Variants in GRHL2 observed in about 807,000 individuals in gnomAD.
GRHL2 encodes the protein grainyhead-like protein 2 homolog.
GRHL2 carries 21 observed loss-of-function variants against 83.8 expected under a neutral mutation model. The observed-to-expected ratio is 0.25, with a 90% CI of 0.18 to 0.36. GRHL2 has a LOEUF of 0.36. Ranked by LOEUF, GRHL2 falls within the 10% of genes least tolerant of loss-of-function variation. The probability of loss-of-function intolerance (pLI) is 1.00; values close to 1 mark genes in which losing one functional copy is unlikely to be tolerated. For missense variants in GRHL2, 623 were observed against 781.8 expected (o/e 0.80, Z 2.42); for synonymous variants, 280 against 278.9 (o/e 1.00, Z -0.04).
intron 1 of GRHL2, among the ~76,000 whole-genome samples, chr8:101,503,531 T>G (rs1810274874): frequency 6.6e-6 from 1 of 152,358 alleles, no homozygotes; most frequent in South Asian, 2.1e-4. Context: ...ATCATAAACT[T>G]TCTGGAAGGC....
At chr8:101,659,808 C>T (rs1003985510) in intron 14 of GRHL2, among the ~76,000 whole-genome samples, 3 of 152,104 alleles carry the variant, frequency 2.0e-5, no homozygotes, top group African/African-American at 7.2e-5. Flanking sequence ...TATTGAGTGT[C>T]TCGCCAGATT....
chr8:101,524,113 C>T (rs1810752858), intron 1 of GRHL2, among the ~76,000 whole-genome samples: 1 of 152,214 alleles, frequency 6.6e-6, no homozygotes, highest in African/African-American at 2.4e-5. Flanking sequence ...ATAATTGAAT[C>T]ACTTTGGATT....
downstream of GRHL2, among the ~76,000 whole-genome samples, chr8:101,672,868 T>C (rs1297414502): frequency 6.6e-5 from 10 of 151,756 alleles, no homozygotes; most frequent in African/African-American, 2.4e-4. Context: ...GCAGAAACCC[T>C]ACAAGCCAGA....
At chr8:101,495,280 C>G (rs926121518) in intron 1 of GRHL2, among the ~76,000 whole-genome samples, 5 of 152,138 alleles carry the variant, frequency 3.3e-5, no homozygotes, top group African/African-American at 1.2e-4. Context: ...TTTCATAATC[C>G]CATTGAGATT....
At chr8:101,555,706 G>T (rs187607176) in intron 3 of GRHL2, among the ~76,000 whole-genome samples, 47 of 152,278 alleles carry the variant, frequency 3.1e-4, no homozygotes, top group Admixed American at 2.6e-4. Flanking sequence ...AAAGTGTGCA[G>T]ACTTGTGATT....
At chr8:101,502,499 T>C (rs73701910) in intron 1 of GRHL2, among the ~76,000 whole-genome samples, 3,290 of 152,284 alleles carry the variant, frequency 0.022, 109 homozygotes, top group African/African-American at 0.073. Context: ...GTGAAATCAA[T>C]GGTTTAACTA....
At chr8:101,594,095 AAAAGAGAG>A (rs1812344483) in intron 7 of GRHL2, among the ~76,000 whole-genome samples, 1 of 104,878 alleles carries the variant, frequency 9.5e-6, no homozygotes, top group African/African-American at 4.6e-5. Flanking sequence ...AAAAAAAAAA[AAAAGAGAG>A]AGATAGTGAA....
At chr8:101,633,943 T>C (rs2130404348) in intron 11 of GRHL2, among the ~76,000 whole-genome samples, 1 of 152,280 alleles carries the variant, frequency 6.6e-6, no homozygotes, top group East Asian at 1.9e-4. Context: ...TTCTCCAAAA[T>C]ATACAAAGTG....
chr8:101,586,618 C>T (rs1227202791), intron 7 of GRHL2, among the ~76,000 whole-genome samples: 2 of 152,178 alleles, frequency 1.3e-5, no homozygotes, highest in South Asian at 2.1e-4. Context: ...TCCTACTAGA[C>T]GCTGAACTTT....
rs541530642 is a variant in GRHL2, at chr8:101,642,582, G to T, written c.1518-1549G>T. Among the ~76,000 whole-genome samples, 12 of 152,286 alleles carry T rather than the reference G, an allele frequency of 7.9e-5. No individual in the cohort carries two copies. The East Asian group carries it at 2.3e-3, about 29-fold the overall frequency. ...TAACGTGACCTGCTTTTACGACAAG[G>T]TAGTAAGAGGAAGGCAGAGGGAACA... On this transcript the variant is annotated intron_variant, in intron 12 of 15. Transcript: ENST00000646743.
At chr8:101,529,070 G>A in intron 1 of GRHL2, 1 of 379,812 alleles carries the variant, frequency 2.6e-6, no homozygotes, top group Admixed American at 3.3e-5. Context: ...TTTTCAGGGA[G>A]TTCTTCCTCT....
At chr8:101,525,396 A>G (rs914679795) in intron 1 of GRHL2, among the ~76,000 whole-genome samples, 4 of 152,246 alleles carry the variant, frequency 2.6e-5, no homozygotes, top group African/African-American at 9.6e-5. Flanking sequence ...ATATCATATG[A>G]AAAATTAAAG....
intron 2 of GRHL2, among the ~76,000 whole-genome samples, chr8:101,547,093 G>A (rs1346563609): frequency 6.6e-6 from 1 of 152,202 alleles, no homozygotes; most frequent in Non-Finnish European, 1.5e-5. Context: ...ATGTTCAAAT[G>A]ATCATTTTGA....
intron 1 of GRHL2, among the ~76,000 whole-genome samples, chr8:101,525,940 T>C (rs1033184546): frequency 1.3e-5 from 2 of 152,204 alleles, no homozygotes; most frequent in Non-Finnish European, 2.9e-5. Flanking sequence ...GCACTCCAGC[T>C]GGGCAAGAGA....
In GRHL2 at chr8:101,558,432, A is replaced by C; in HGVS notation, c.298A>C (p.Thr100Pro). Residue 100 changes from threonine (T) to proline (P), a missense_variant, in exon 4 of 16, where the codon ACC becomes CCC. Around this residue, in one of 8 missense-constraint regions of GRHL2, gnomAD observed 239 missense variants for 240.5 expected, o/e 0.99. Transcript: ENST00000646743. ...EDQEKRNCLG[T>P]SEAQSNLSGG... ...TTCAACACACAGAAACTGCCTTGGC[A>C]CCAGTGAAGCCCAGAGTAATTTGAG... The C allele has an allele frequency of 9.3e-6, 15 of 1,614,170 alleles. No individual in the cohort carries two copies. The highest frequency in any genetic ancestry group is 1.3e-5 in the Non-Finnish European group (15 of 1,180,036).
At chr8:101,653,708 C>A (rs1341101309) in intron 14 of GRHL2, among the ~76,000 whole-genome samples, 10 of 151,496 alleles carry the variant, frequency 6.6e-5, no homozygotes, top group African/African-American at 2.4e-4. Context: ...TGCCACCACA[C>A]TCCAGACTGG....
chr8:101,504,749 G>A (rs1055478704), intron 1 of GRHL2, among the ~76,000 whole-genome samples: 3 of 151,966 alleles, frequency 2.0e-5, no homozygotes, highest in Non-Finnish European at 4.4e-5. Flanking sequence ...GCAAGCTGGT[G>A]CATAGATCAT....
At chr8:101,543,881 G>A (rs929068704) in intron 2 of GRHL2, 5 of 217,166 alleles carry the variant, frequency 2.3e-5, no homozygotes, top group African/African-American at 1.2e-4. Context: ...CCACATGGCT[G>A]GGGAGGCCTC....
At chr8:101,680,839 C>A in the GRHL2 span, among the ~76,000 whole-genome samples, 4 of 124,050 alleles carry the variant, frequency 3.2e-5, no homozygotes, top group Admixed American at 8.5e-5. Flanking sequence ...GGGTACATAA[C>A]GAAATGAAGG....
Sources: allele counts gnomAD v4.1 joint callset (sites outside exome capture counted in the v4.1 genomes callset), GRCh38; gene constraint gnomAD v4.1.1; regional missense constraint gnomAD v4.1.1; transcripts MANE v1.5; gene names NCBI Gene and HGNC (gene_info 2026-07-23, HGNC 2026-07-21).